PRDM5: variants seen among roughly 807,000 people sequenced by gnomAD.
PRDM5 encodes the protein PR/SET domain 5.
Under a neutral mutation model 81.2 loss-of-function variants are expected in PRDM5, and 56 were observed. The observed-to-expected ratio is 0.69, with a 90% CI of 0.56 to 0.86. The LOEUF (loss-of-function observed/expected upper bound fraction) is 0.86, where lower values mean the gene tolerates loss of function less well. Among genes scored for constraint, PRDM5 ranks in the 40% least tolerant of loss-of-function variants. The probability of loss-of-function intolerance (pLI) is 0.00; values close to 1 mark genes in which losing one functional copy is unlikely to be tolerated. For missense variants in PRDM5, 697 were observed against 770.1 expected (o/e 0.91, Z 1.12); for synonymous variants, 267 against 256.4 (o/e 1.04, Z -0.39).
Position 120,872,150 on chromosome 4 carries a change from C to CAAAAAAAAAAAAAAAAAAAAAAAAAAA in PRDM5, c.178-18611_178-18610insTTTTTTTTTTTTTTTTTTTTTTTTTTT, listed in dbSNP as rs70948365. On this transcript the variant is annotated intron_variant, in intron 2 of 15. Transcript: ENST00000264808. ...TGGGCGACAGAGCAAGACTCCATCT[C>CAAAAAAAAAAAAAAAAAAAAAAAAAAA]AAAAAAAAAAAAAAAAAAAAAAAAC... is the stretch of plus-strand genomic sequence containing the variant. 8.8e-4 allele frequency among the ~76,000 whole-genome samples: 37 copies of CAAAAAAAAAAAAAAAAAAAAAAAAAAA among 41,834 alleles called. 1 individual carries two copies. The highest frequency in any genetic ancestry group is 2.6e-3 in the South Asian group (2 of 768). The allele number at this position is 41,834 out of a possible 152,430, so 27.4% of individuals were successfully genotyped here.
At chr4:120,765,704 C>T (rs1352212811) in intron 13 of PRDM5, among the ~76,000 whole-genome samples, 31 of 152,188 alleles carry the variant, frequency 2.0e-4, no homozygotes, top group Non-Finnish European at 4.4e-5. Context: ...TCCTCATCTA[C>T]ATTCTATAGA....
downstream of PRDM5, among the ~76,000 whole-genome samples, chr4:120,684,328 G>A (rs945007247): frequency 3.3e-5 from 5 of 150,516 alleles, no homozygotes; most frequent in Admixed American, 6.7e-5. Context: ...AACACACCCC[G>A]TCAGATAAGC....
chr4:120,719,999 A>G (rs1738356356), intron 14 of PRDM5, among the ~76,000 whole-genome samples: 1 of 152,102 alleles, frequency 6.6e-6, no homozygotes, highest in Non-Finnish European at 1.5e-5. Flanking sequence ...GCTTTGAGAC[A>G]ACCCAGCGCT....
intron 3 of PRDM5, among the ~76,000 whole-genome samples, chr4:120,840,517 G>A (rs552902023): frequency 5.3e-5 from 8 of 152,196 alleles, no homozygotes; most frequent in Admixed American, 2.6e-4. Context: ...ATGGCTGGCC[G>A]GGTCCTCAAA....
intron 2 of PRDM5, among the ~76,000 whole-genome samples, chr4:120,863,582 C>A (rs1760881144): frequency 6.6e-6 from 1 of 151,924 alleles, no homozygotes; most frequent in Non-Finnish European, 1.5e-5. Flanking sequence ...AGAAATTAAA[C>A]CATACCAATT....
rs1734377528 is a variant in PRDM5, at chr4:120,695,181, T to C, written c.1823A>G (p.His608Arg). The change falls in exon 16 of 16, where the codon CAT becomes CGT. Residue 608 changes from histidine to arginine, a missense_variant. By Grantham distance (29) the His-to-Arg change is conservative. This residue lies in a region of PRDM5 where 34 missense variants were observed against 28.1 expected (regional missense o/e 1.21). Transcript: ENST00000264808. ...NRPLAECQFC[H>R]KKFTRNDYLK... The stretch of plus-strand genomic sequence containing the variant: ...GTAGTCATTCCTTGTAAACTTCTTA[T>C]GGCAAAACTGGCATTCTGCCAGGGG... The C allele has an allele frequency of 4.3e-6, 7 of 1,613,514 alleles. No homozygotes were observed. In the South Asian group the frequency reaches 6.6e-5, roughly 15 times the overall value.
At chr4:120,811,145 ATTGGACC>A (rs1176833978) in intron 8 of PRDM5, among the ~76,000 whole-genome samples, 1 of 151,672 alleles carries the variant, frequency 6.6e-6, no homozygotes. Flanking sequence ...GTATGAATAT[ATTGGACC>A]TTGTCATAAC....
chr4:120,733,662 A>G (rs1740604159), intron 14 of PRDM5, among the ~76,000 whole-genome samples: 1 of 152,214 alleles, frequency 6.6e-6, no homozygotes, highest in Admixed American at 6.5e-5. Flanking sequence ...GGGTATGCAG[A>G]GAACTCCAGG....
At chr4:120,773,222 T>C (rs776850976) in intron 13 of PRDM5, among the ~76,000 whole-genome samples, 3 of 152,114 alleles carry the variant, frequency 2.0e-5, no homozygotes, top group Non-Finnish European at 4.4e-5. Context: ...ATTATGGTTA[T>C]TAAACATTTT....
At chr4:120,751,153 C>T (rs1029992538) in intron 14 of PRDM5, among the ~76,000 whole-genome samples, 2 of 152,080 alleles carry the variant, frequency 1.3e-5, no homozygotes, top group African/African-American at 4.8e-5. Context: ...AAGCAATCCT[C>T]GCACCTCAGC....
intron 11 of PRDM5, among the ~76,000 whole-genome samples, chr4:120,783,709 T>C (rs1161054127): frequency 6.6e-6 from 1 of 152,154 alleles, no homozygotes; most frequent in African/African-American, 2.4e-5. Flanking sequence ...CACATAATTC[T>C]TTTTAATAAG....
chr4:120,776,716 C>G (rs955568919), intron 13 of PRDM5, among the ~76,000 whole-genome samples: 1 of 152,088 alleles, frequency 6.6e-6, no homozygotes, highest in Non-Finnish European at 1.5e-5. Flanking sequence ...AGAAGGGGAT[C>G]TTTAGGAAGT....
chr4:120,874,848 G>A (rs1762184054), intron 2 of PRDM5, among the ~76,000 whole-genome samples: 1 of 152,220 alleles, frequency 6.6e-6, no homozygotes, highest in Non-Finnish European at 1.5e-5. Context: ...TTCTGGCTCT[G>A]ACAGGAAGTA....
At chr4:120,885,186 C>G (rs984292835) in intron 2 of PRDM5, among the ~76,000 whole-genome samples, 1 of 135,404 alleles carries the variant, frequency 7.4e-6, no homozygotes, top group East Asian at 2.2e-4. Context: ...ACATACGACA[C>G]ATTACCCACC....
At chr4:120,733,901 A>C (rs558168719) in intron 14 of PRDM5, among the ~76,000 whole-genome samples, 8 of 152,010 alleles carry the variant, frequency 5.3e-5, no homozygotes, top group East Asian at 3.9e-4. Flanking sequence ...GTAAAAAAAA[A>C]AAAAAACAAA....
At chr4:120,744,440 C>T (rs936206603) in intron 14 of PRDM5, among the ~76,000 whole-genome samples, 4 of 151,878 alleles carry the variant, frequency 2.6e-5, no homozygotes, top group African/African-American at 9.7e-5. Context: ...CAGAGCAGAA[C>T]TGAAGGAAAT....
chr4:120,913,203 T>C (rs1196533232), intron 1 of PRDM5, among the ~76,000 whole-genome samples: 1 of 152,246 alleles, frequency 6.6e-6, no homozygotes, highest in Non-Finnish European at 1.5e-5. Flanking sequence ...ACACAAGTTC[T>C]TAAATGAAGC....
chr4:120,728,450 CAT>C (rs904988419), intron 14 of PRDM5, among the ~76,000 whole-genome samples: 2 of 151,830 alleles, frequency 1.3e-5, no homozygotes, highest in Non-Finnish European at 2.9e-5. Context: ...TGTATATATA[CAT>C]ATATATATTT....
At chr4:120,736,399 A>G (rs985070014) in intron 14 of PRDM5, among the ~76,000 whole-genome samples, 1 of 152,106 alleles carries the variant, frequency 6.6e-6, no homozygotes, top group African/African-American at 2.4e-5. Flanking sequence ...GGCTTGCTGG[A>G]TCAAACAGAA....
Sources: allele counts gnomAD v4.1 joint callset (sites outside exome capture counted in the v4.1 genomes callset), GRCh38; gene constraint gnomAD v4.1.1; regional missense constraint gnomAD v4.1.1; transcripts MANE v1.5; gene names NCBI Gene and HGNC (gene_info 2026-07-23, HGNC 2026-07-21).